ADGRV1: variants seen among roughly 807,000 people sequenced by gnomAD.
The protein encoded by ADGRV1 is adhesion G protein-coupled receptor V1.
A neutral mutation model predicts 596.2 loss-of-function variants in ADGRV1; 359 were observed. That is an observed-to-expected ratio of 0.60 (90% confidence interval 0.55 to 0.66). The LOEUF (loss-of-function observed/expected upper bound fraction) is 0.66, where lower values mean the gene tolerates loss of function less well. ADGRV1 is among the 30% of genes least tolerant of loss of function. ADGRV1 has a pLI of 0.00. For synonymous variants in ADGRV1, 2,681 were observed against 2,679.2 expected, an observed-to-expected ratio of 1.00 and a Z score of -0.02; for missense variants, 7,274 against 7,575.6, an observed-to-expected ratio of 0.96 and a Z score of 1.48.
rs1223030328 is a variant in ADGRV1, at chr5:90,644,764, G to T, written c.2793G>T (p.Val931=). The T allele has an allele frequency of 6.2e-7, 1 of 1,611,642 alleles. No homozygotes were observed. ...GNFGDVSVSW[V]VSPDFTQDVF... Reference sequence around the variant, plus strand: ...TTGGTGATGTTAGTGTATCATGGGTGGTTAGTCCAGACTTTACACAAGATG... The same window carrying T: ...TTGGTGATGTTAGTGTATCATGGGTTGTTAGTCCAGACTTTACACAAGATG... The change falls in exon 15 of 90, where the codon GTG becomes GTT. Residue 931 remains valine (V), a synonymous_variant. Transcript: ENST00000405460.
chr5:90,767,295 G>T (rs1310968521), intron 59 of ADGRV1, among the ~76,000 whole-genome samples: 2 of 152,064 alleles, frequency 1.3e-5, no homozygotes, highest in African/African-American at 4.8e-5. Context: ...AATCATGTTT[G>T]ATTCTAAACA....
intron 44 of ADGRV1, among the ~76,000 whole-genome samples, chr5:90,720,648 T>A (rs1425370117): frequency 1.3e-5 from 2 of 152,192 alleles, no homozygotes; most frequent in East Asian, 3.8e-4. Context: ...TAAAAATATT[T>A]TAATAGATCT....
chr5:90,593,160 A>G lies in ADGRV1; in HGVS notation c.23-21675A>G, dbSNP rs190200746. Among the ~76,000 whole-genome samples, 244 of 152,364 alleles carry G rather than the reference A, an allele frequency of 1.6e-3. 1 individual carries two copies. Among genetic ancestry groups the G allele is most frequent in the Non-Finnish European group, 2.9e-3 (194 of 68,036 alleles). On this transcript the variant is annotated intron_variant, in intron 1 of 89. Coordinates refer to ENST00000405460, the MANE Select transcript of ADGRV1 (RefSeq NM_032119.4). Reference sequence around the variant, plus strand: ...TAAAGACACATGCACATGTATGTTTATTGCGGCACTGTTCACAATAGCAAA... The same window carrying G: ...TAAAGACACATGCACATGTATGTTTGTTGCGGCACTGTTCACAATAGCAAA...
At chr5:90,947,332 GT>G (rs35581090) in intron 83 of ADGRV1, among the ~76,000 whole-genome samples, 1 of 151,626 alleles carries the variant, frequency 6.6e-6, no homozygotes, top group Non-Finnish European at 1.5e-5. Flanking sequence ...TTTTAATGGG[GT>G]TTTTTTTCTC....
chr5:90,570,783 A>G (rs1328576054), intron 1 of ADGRV1, among the ~76,000 whole-genome samples: 1 of 150,732 alleles, frequency 6.6e-6, no homozygotes, highest in Admixed American at 6.6e-5. Context: ...TTTTTAAACT[A>G]TCTTTTTGAT....
intron 84 of ADGRV1, among the ~76,000 whole-genome samples, chr5:90,977,991 A>T (rs1184741940): frequency 6.6e-6 from 1 of 152,148 alleles, no homozygotes; most frequent in East Asian, 1.9e-4. Context: ...TACGTTTATT[A>T]ATCAATGAAT....
intron 85 of ADGRV1, among the ~76,000 whole-genome samples, chr5:91,041,425 G>T (rs1406584649): frequency 6.6e-6 from 1 of 152,030 alleles, no homozygotes; most frequent in Admixed American, 6.6e-5. Context: ...TCATAAGTGG[G>T]AGTTGAACAA....
At chr5:90,715,044 C>G (rs189119083) in intron 42 of ADGRV1, among the ~76,000 whole-genome samples, 1 of 152,274 alleles carries the variant, frequency 6.6e-6, no homozygotes, top group Admixed American at 6.5e-5. Context: ...TTTGACATCA[C>G]TGTAATATTG....
chr5:91,163,427 A>G (rs555700640), intron 89 of ADGRV1, among the ~76,000 whole-genome samples: 167 of 152,308 alleles, frequency 1.1e-3, no homozygotes, highest in African/African-American at 3.5e-3. Context: ...ATCCTACCCC[A>G]CTGGTGAAAA....
chr5:90,622,727 T>A lies in ADGRV1; in HGVS notation c.558+26T>A, dbSNP rs539443837. 8 of 968,340 alleles carry A rather than the reference T, an allele frequency of 8.3e-6. No homozygotes were observed. In the African/African-American group the frequency reaches 1.4e-4, roughly 17 times the overall value. The allele number at this position is 968,340 out of a possible 1,614,324, so 60.0% of individuals were successfully genotyped here. Reference sequence around the variant, plus strand: ...GTAAGTTTACTCTGAAGTCATTTTATTTTATTTATTTTTATTTTTATTTAT... The same window carrying A: ...GTAAGTTTACTCTGAAGTCATTTTAATTTATTTATTTTTATTTTTATTTAT... On this transcript the variant is annotated intron_variant, in intron 5 of 89. Coordinates refer to ENST00000405460, the MANE Select transcript of ADGRV1 (RefSeq NM_032119.4).
At chr5:90,692,540 TGAA>T in intron 31 of ADGRV1, 62 bp from the exon 32 acceptor site, 2 of 1,303,710 alleles carry the variant, frequency 1.5e-6, no homozygotes, top group Non-Finnish European at 1.1e-6. Flanking sequence ...TTTTTTCCCT[TGAA>T]TCATTTTTAT....
intron 83 of ADGRV1, among the ~76,000 whole-genome samples, chr5:90,962,876 A>C (rs1452350168): frequency 6.6e-6 from 1 of 152,226 alleles, no homozygotes; most frequent in African/African-American, 2.4e-5. Context: ...TGGATGTTAA[A>C]ACTATTCTGA....
intron 50 of ADGRV1, among the ~76,000 whole-genome samples, chr5:90,733,243 G>A (rs1752780810): frequency 6.6e-6 from 1 of 152,198 alleles, no homozygotes; most frequent in Non-Finnish European, 1.5e-5. Flanking sequence ...CAACTGGGAG[G>A]AGAATGGTTT....
rs1019518611 is a variant in ADGRV1, at chr5:90,653,466, C to T, written c.3892C>T (p.Pro1298Ser). The T allele has an allele frequency of 1.2e-6, 2 of 1,613,928 alleles. No individual in the cohort carries two copies. Among genetic ancestry groups the T allele is most frequent in the Non-Finnish European group, 1.7e-6 (2 of 1,179,886 alleles). The change falls in exon 20 of 90, where the codon CCA becomes TCA. Residue 1298 changes from proline (P) to serine (S), a missense_variant. Physicochemically the swap from Pro to Ser is moderately conservative, Grantham distance 74. Around this residue, in one of 5 missense-constraint regions of ADGRV1, gnomAD observed 1,715 missense variants for 1,708.8 expected, o/e 1.00. Coordinates refer to ENST00000405460, the MANE Select transcript of ADGRV1 (RefSeq NM_032119.4). ...CAGTGAGTTCCCTGCTGGTTTGCCACCAATGATAGATTTTTTACTGGTTGG... is the reference window on the plus strand; with the variant it reads ...CAGTGAGTTCCCTGCTGGTTTGCCATCAATGATAGATTTTTTACTGGTTGG... Reference protein sequence around the residue: ...LSSEFPAGLPPMIDFLLVGIF... With the variant: ...LSSEFPAGLPSMIDFLLVGIF...
chr5:90,558,946 G>T, intron 1 of ADGRV1, 29 bp downstream of exon 1: 1 of 1,545,744 alleles, frequency 6.5e-7, no homozygotes, highest in Non-Finnish European at 8.7e-7. Context: ...GTGGTGCTGC[G>T]AGCATCGCTG....
intron 53 of ADGRV1, among the ~76,000 whole-genome samples, chr5:90,751,896 A>G (rs1032794134): frequency 6.6e-6 from 1 of 152,168 alleles, no homozygotes; most frequent in East Asian, 1.9e-4. Context: ...CAGGTTCTAT[A>G]TGTTCTGATT....
intron 83 of ADGRV1, among the ~76,000 whole-genome samples, chr5:90,867,587 A>G (rs1050694499): frequency 6.6e-6 from 1 of 152,164 alleles, no homozygotes; most frequent in Non-Finnish European, 1.5e-5. Flanking sequence ...ATCTTTGGGA[A>G]TCTTTGTGCA....
At chr5:90,939,240 A>G (rs902005139) in intron 83 of ADGRV1, among the ~76,000 whole-genome samples, 2 of 152,254 alleles carry the variant, frequency 1.3e-5, no homozygotes, top group Non-Finnish European at 2.9e-5. Flanking sequence ...TTAATTAGAT[A>G]CAAGATACAG....
At chr5:90,814,033 G>A (rs959430116) in intron 74 of ADGRV1, among the ~76,000 whole-genome samples, 1 of 152,142 alleles carries the variant, frequency 6.6e-6, no homozygotes, top group Non-Finnish European at 1.5e-5. Context: ...TGAGGGTTCT[G>A]CTGTGATAGT....
Sources: gnomAD v4.1 joint callset for allele counts (sites outside exome capture counted in the v4.1 genomes callset) on GRCh38, gnomAD v4.1.1 for gene constraint, gnomAD v4.1.1 regional missense constraint, MANE v1.5 for transcripts, NCBI Gene and HGNC (gene_info 2026-07-23, HGNC 2026-07-21) for gene names.